The following IQCK variants were observed in gnomAD, a reference collection of about 807,000 sequenced individuals.
The protein encoded by IQCK is IQ motif containing K.
IQCK carries 29 observed loss-of-function variants against 28.1 expected under a neutral mutation model. That is an observed-to-expected ratio of 1.03 (90% CI 0.77 to 1.41). The LOEUF (loss-of-function observed/expected upper bound fraction) is 1.41, where lower values mean the gene tolerates loss of function less well. Ranked by LOEUF, IQCK falls within the 40% of genes most tolerant of loss-of-function variation. The pLI, the probability that IQCK is intolerant of heterozygous loss-of-function variation, is 0.00. For synonymous variants in IQCK, 113 were observed against 115.1 expected, an observed-to-expected ratio of 0.98 and a Z score of 0.12; for missense variants, 359 against 314.7, an observed-to-expected ratio of 1.14 and a Z score of -1.07.
At chr16:19,723,001 C>T (rs1009557551) in intron 1 of IQCK, among the ~76,000 whole-genome samples, 2 of 152,148 alleles carry the variant, frequency 1.3e-5, no homozygotes, top group African/African-American at 4.8e-5. Context: ...CGTGAGCTAC[C>T]GCATCCGGCC....
rs140151390 is a variant in IQCK at position 19,834,081 on chromosome 16, C to T, written c.802+6944C>T. 8.7e-3 allele frequency among the ~76,000 whole-genome samples: 1,320 copies of T among 152,252 alleles called. 21 individuals carry two copies. Among genetic ancestry groups the T allele is most frequent in the Admixed American group, 0.04 (610 of 15,282 alleles). On this transcript the variant is annotated intron_variant, in intron 9 of 9. Coordinates refer to the IQCK transcript ENST00000320394. The stretch of plus-strand genomic sequence containing the variant: ...CCAGCCTGGGTAATGAGCAAGACCT[C>T]ATCTCAGAATAAATAAATACATAAG...
At chr16:19,735,703 C>T (rs989254059) in intron 4 of IQCK, 1 of 467,962 alleles carries the variant, frequency 2.1e-6, no homozygotes, top group East Asian at 4.2e-5. Flanking sequence ...CTGCCCTTCT[C>T]CTGTGCAGTT....
intron 6 of IQCK, among the ~76,000 whole-genome samples, chr16:19,780,713 A>G (rs1366759491): frequency 2.0e-5 from 3 of 152,198 alleles, no homozygotes; most frequent in African/African-American, 7.2e-5. Context: ...CCTGACAGCA[A>G]TCACAGATAT....
chr16:19,737,466 C>T (rs759844340), intron 4 of IQCK, among the ~76,000 whole-genome samples: 27 of 152,314 alleles, frequency 1.8e-4, no homozygotes, highest in Non-Finnish European at 3.4e-4. Flanking sequence ...TTGCCTGCCA[C>T]TTAATTTGCT....
intron 4 of IQCK, among the ~76,000 whole-genome samples, chr16:19,743,854 G>A (rs528792775): frequency 6.6e-6 from 1 of 152,356 alleles, no homozygotes; most frequent in Admixed American, 6.5e-5. Context: ...TGTCCTGCCA[G>A]TACCATGAAA....
At chr16:19,840,280 C>T (rs1333538822) in intron 9 of IQCK, among the ~76,000 whole-genome samples, 2 of 151,966 alleles carry the variant, frequency 1.3e-5, no homozygotes, top group Admixed American at 6.6e-5. Flanking sequence ...CGCTTAAACC[C>T]GGGAGGTGGA....
chr16:19,850,818 T>TA (rs1230706672), intron 9 of IQCK, among the ~76,000 whole-genome samples: 5 of 152,052 alleles, frequency 3.3e-5, no homozygotes, highest in Non-Finnish European at 2.9e-5. Flanking sequence ...AGTTAGAGAC[T>TA]AGGCTGGGCA....
chr16:19,814,871 C>T (rs1298666326), intron 7 of IQCK, among the ~76,000 whole-genome samples: 3 of 149,316 alleles, frequency 2.0e-5, no homozygotes, highest in Non-Finnish European at 4.4e-5. Flanking sequence ...ACTGCACCCT[C>T]GACCTTCTGG....
At chr16:19,792,465 G>A (rs1471023274) in intron 7 of IQCK, among the ~76,000 whole-genome samples, 1 of 109,776 alleles carries the variant, frequency 9.1e-6, no homozygotes, top group Non-Finnish European at 1.6e-5. Flanking sequence ...ACACACACAC[G>A]GATAGGAAAT....
At chr16:19,757,554 G>A (rs541486568) in intron 4 of IQCK, among the ~76,000 whole-genome samples, 2 of 152,252 alleles carry the variant, frequency 1.3e-5, no homozygotes, top group East Asian at 1.9e-4. Context: ...CTATGCCTAC[G>A]CCTGTAATCC....
At chr16:19,780,238 C>G (rs1157168651) in intron 6 of IQCK, among the ~76,000 whole-genome samples, 1 of 151,948 alleles carries the variant, frequency 6.6e-6, no homozygotes, top group African/African-American at 2.4e-5. Flanking sequence ...GATGGGGTTT[C>G]ACTATGTTGG....
exon 10 of IQCK, chr16:19,857,237 G>A (rs2141132850): frequency 3.4e-6 from 1 of 297,864 alleles, no homozygotes; most frequent in East Asian, 1.1e-4. Context: ...CCTCAAGGCA[G>A]ATCCGAAAGC....
intron 7 of IQCK, among the ~76,000 whole-genome samples, chr16:19,811,708 G>A (rs1303831461): frequency 6.6e-6 from 1 of 152,160 alleles, no homozygotes; most frequent in African/African-American, 2.4e-5. Flanking sequence ...TAATCAACGT[G>A]CCATTCATGT....
At chr16:19,771,815 T>C (rs1443892412) in intron 6 of IQCK, among the ~76,000 whole-genome samples, 7 of 152,136 alleles carry the variant, frequency 4.6e-5, no homozygotes, top group Non-Finnish European at 8.8e-5. Context: ...GTGGGTGCTG[T>C]CACTCACGTT....
intron 9 of IQCK, among the ~76,000 whole-genome samples, chr16:19,854,989 T>C (rs2056538045): frequency 6.6e-6 from 1 of 152,164 alleles, no homozygotes; most frequent in African/African-American, 2.4e-5. Flanking sequence ...ATTAAAAATA[T>C]TTTTTTCTGA....
chr16:19,758,236 T>C (rs1023745623), intron 4 of IQCK, among the ~76,000 whole-genome samples: 2 of 152,212 alleles, frequency 1.3e-5, no homozygotes, highest in Non-Finnish European at 2.9e-5. Flanking sequence ...TTTCCTTCTC[T>C]CTTTCAGCTC....
intron 7 of IQCK, among the ~76,000 whole-genome samples, chr16:19,818,174 A>C (rs1003240228): frequency 1.3e-5 from 2 of 152,144 alleles, no homozygotes; most frequent in African/African-American, 4.8e-5. Flanking sequence ...ATGATAACTC[A>C]TCCTACCCAG....
intron 6 of IQCK, among the ~76,000 whole-genome samples, chr16:19,767,872 T>A (rs542447462): frequency 1.4e-4 from 22 of 151,850 alleles, no homozygotes; most frequent in Admixed American, 7.9e-4. Flanking sequence ...AGAGCGAGAC[T>A]CCATCTCAAT....
intron 4 of IQCK, among the ~76,000 whole-genome samples, chr16:19,743,201 G>T (rs2054861564): frequency 6.6e-6 from 1 of 151,516 alleles, no homozygotes; most frequent in Non-Finnish European, 1.5e-5. Context: ...AAAAGTCAGG[G>T]CCTACTTTTA....
Sources: allele counts gnomAD v4.1 joint callset (sites outside exome capture counted in the v4.1 genomes callset), GRCh38; gene constraint gnomAD v4.1.1; transcripts MANE v1.5; gene names NCBI Gene and HGNC (gene_info 2026-07-23, HGNC 2026-07-21).